Variants in ST6GALNAC3 observed in about 807,000 individuals in gnomAD.
ST6GALNAC3 encodes alpha-N-acetylgalactosaminide alpha-2,6-sialyltransferase 3.
ST6GALNAC3 carries 25 observed loss-of-function variants against 32.7 expected under a neutral mutation model. The ratio of observed to expected loss-of-function variants is 0.76; its 90% CI spans 0.56 to 1.07. ST6GALNAC3 has a LOEUF of 1.07. Ranked by LOEUF, ST6GALNAC3 falls within the 50% of genes least tolerant of loss-of-function variation. The pLI is 0.00. For synonymous variants in ST6GALNAC3, 129 were observed against 133.1 expected (o/e 0.97, Z 0.21); for missense variants, 355 against 382.4 (o/e 0.93, Z 0.60).
At chr1:76,250,698 A>G (rs1249228414) in intron 1 of ST6GALNAC3, among the ~76,000 whole-genome samples, 1 of 152,124 alleles carries the variant, frequency 6.6e-6, no homozygotes, top group African/African-American at 2.4e-5. Flanking sequence ...TTCAGCACAT[A>G]TTTATTTTTC....
At chr1:76,483,230 G>A (rs540535144) in intron 3 of ST6GALNAC3, among the ~76,000 whole-genome samples, 1 of 152,232 alleles carries the variant, frequency 6.6e-6, no homozygotes, top group South Asian at 2.1e-4. Flanking sequence ...AATCCTTCGG[G>A]TATATACCCA....
chr1:76,139,474 T>C (rs555048951), intron 1 of ST6GALNAC3, among the ~76,000 whole-genome samples: 1 of 152,302 alleles, frequency 6.6e-6, no homozygotes, highest in South Asian at 2.1e-4. Context: ...TCGGCAACAG[T>C]GGCTTCTTTT....
intron 1 of ST6GALNAC3, among the ~76,000 whole-genome samples, chr1:76,084,915 A>G (rs966773127): frequency 4.6e-5 from 7 of 152,212 alleles, no homozygotes; most frequent in African/African-American, 4.8e-5. Flanking sequence ...TTGTCTCACA[A>G]CAACCTTCAG....
intron 1 of ST6GALNAC3, among the ~76,000 whole-genome samples, chr1:76,293,836 G>T (rs1452054176): frequency 1.3e-5 from 2 of 152,038 alleles, no homozygotes; most frequent in Non-Finnish European, 2.9e-5. Flanking sequence ...CGAAAGAACT[G>T]GTACATTATA....
At chr1:76,272,743 A>T (rs1658923726) in intron 1 of ST6GALNAC3, among the ~76,000 whole-genome samples, 1 of 152,206 alleles carries the variant, frequency 6.6e-6, no homozygotes, top group Admixed American at 6.5e-5. Flanking sequence ...CCCCCAAAGA[A>T]CACCCTTGGG....
intron 3 of ST6GALNAC3, among the ~76,000 whole-genome samples, chr1:76,430,385 C>T (rs1655669238): frequency 6.6e-6 from 1 of 152,158 alleles, no homozygotes; most frequent in Non-Finnish European, 1.5e-5. Flanking sequence ...TTTTGTCCAG[C>T]AATTTTTCTA....
At chr1:76,493,242 C>A (rs1660612178) in intron 3 of ST6GALNAC3, among the ~76,000 whole-genome samples, 1 of 152,032 alleles carries the variant, frequency 6.6e-6, no homozygotes, top group African/African-American at 2.4e-5. Context: ...GCAGATGCTG[C>A]CATATAGAGT....
chr1:76,274,003 T>G (rs1043272693), intron 1 of ST6GALNAC3, among the ~76,000 whole-genome samples: 2 of 152,014 alleles, frequency 1.3e-5, no homozygotes, highest in African/African-American at 4.8e-5. Context: ...GGAGTATACA[T>G]AAAACTAAAA....
At chr1:76,129,933 T>A (rs1361526186) in intron 1 of ST6GALNAC3, among the ~76,000 whole-genome samples, 1 of 152,114 alleles carries the variant, frequency 6.6e-6, no homozygotes, top group African/African-American at 2.4e-5. Context: ...TTGGGCTGAT[T>A]GGTGGGAATT....
intron 3 of ST6GALNAC3, among the ~76,000 whole-genome samples, chr1:76,585,283 G>A (rs1318714495): frequency 6.6e-6 from 1 of 152,048 alleles, no homozygotes; most frequent in Non-Finnish European, 1.5e-5. Flanking sequence ...CTACTTGGGG[G>A]GCTGAGACAG....
chr1:76,344,736 A>G (rs1340767338), intron 2 of ST6GALNAC3, among the ~76,000 whole-genome samples: 2 of 152,240 alleles, frequency 1.3e-5, no homozygotes, highest in South Asian at 2.1e-4. Flanking sequence ...AGAAAAATAT[A>G]CACTAAAGTG....
At chr1:76,162,030 C>A (rs1332058138) in intron 1 of ST6GALNAC3, among the ~76,000 whole-genome samples, 1 of 151,876 alleles carries the variant, frequency 6.6e-6, no homozygotes, top group Non-Finnish European at 1.5e-5. Flanking sequence ...CAGGGCCAGG[C>A]AAAAAAAGGT....
intron 1 of ST6GALNAC3, among the ~76,000 whole-genome samples, chr1:76,289,326 G>A (rs1659947793): frequency 6.6e-6 from 1 of 152,178 alleles, no homozygotes; most frequent in African/African-American, 2.4e-5. Context: ...CAGACTGTCT[G>A]GGTTCTGATC....
chr1:76,453,990 T>C (rs1170204363), intron 3 of ST6GALNAC3, among the ~76,000 whole-genome samples: 1 of 152,146 alleles, frequency 6.6e-6, no homozygotes, highest in Admixed American at 6.5e-5. Context: ...CTTGGGATTG[T>C]GATATTTTTC....
intron 3 of ST6GALNAC3, among the ~76,000 whole-genome samples, chr1:76,469,326 GAACATAGCATTGCTCCAGGACCTAGCAC>G (rs1658866365): frequency 6.6e-6 from 1 of 151,992 alleles, no homozygotes; most frequent in Admixed American, 6.6e-5. Context: ...TAATAGTACA[GAACATAGCATTGCTCCAGGACCTAGCAC>G]AATGTCTTGC....
intron 3 of ST6GALNAC3, among the ~76,000 whole-genome samples, chr1:76,469,312 T>C (rs1214363157): frequency 6.6e-6 from 1 of 152,076 alleles, no homozygotes; most frequent in Non-Finnish European, 1.5e-5. Context: ...TGAGGGACGA[T>C]ATCTAATAGT....
intron 1 of ST6GALNAC3, among the ~76,000 whole-genome samples, chr1:76,269,879 T>G (rs1658736297): frequency 6.6e-6 from 1 of 152,196 alleles, no homozygotes; most frequent in African/African-American, 2.4e-5. Flanking sequence ...TTCAGCGTTG[T>G]GACTTAGAGG....
intron 3 of ST6GALNAC3, among the ~76,000 whole-genome samples, chr1:76,472,996 G>A (rs981259472): frequency 6.6e-6 from 1 of 152,090 alleles, no homozygotes; most frequent in African/African-American, 2.4e-5. Context: ...CAGAGAAGAG[G>A]TGAATAGATG....
chr1:76,517,550 A>G (rs1008565958), intron 3 of ST6GALNAC3, among the ~76,000 whole-genome samples: 1 of 151,874 alleles, frequency 6.6e-6, no homozygotes, highest in African/African-American at 2.4e-5. Context: ...TAAACCTTTT[A>G]AAGGCTTACT....
Sources: allele counts gnomAD v4.1 joint callset (sites outside exome capture counted in the v4.1 genomes callset), GRCh38; gene constraint gnomAD v4.1.1; transcripts MANE v1.5; gene names NCBI Gene and HGNC (gene_info 2026-07-23, HGNC 2026-07-21).